NPLOC4: variants seen among roughly 807,000 people sequenced by gnomAD.
The protein encoded by NPLOC4 is NPL4 homolog, ubiquitin recognition factor, also known as nuclear protein localization protein 4 homolog.
Under a neutral mutation model 80.6 loss-of-function variants are expected in NPLOC4, and 18 were observed. That is an observed-to-expected ratio of 0.22 (90% CI 0.15 to 0.33). The LOEUF (loss-of-function observed/expected upper bound fraction) is 0.33. Ranked by LOEUF, NPLOC4 falls within the 10% of genes least tolerant of loss-of-function variation. The pLI is 1.00. For missense variants in NPLOC4, 540 were observed against 786.1 expected, an observed-to-expected ratio of 0.69 and a Z score of 3.74; for synonymous variants, 313 against 301.5, an observed-to-expected ratio of 1.04 and a Z score of -0.39.
At chr17:81,635,018 C>T (rs1326433682) in intron 1 of NPLOC4, among the ~76,000 whole-genome samples, 3 of 151,964 alleles carry the variant, frequency 2.0e-5, no homozygotes, top group Non-Finnish European at 1.5e-5. Flanking sequence ...TAGTAGAGAC[C>T]TCATCTCTAT....
chr17:81,634,175 T>C (rs2036008288), intron 1 of NPLOC4, among the ~76,000 whole-genome samples: 1 of 151,916 alleles, frequency 6.6e-6, no homozygotes. Flanking sequence ...CCCTAATTTT[T>C]GTATTTTTAG....
intron 3 of NPLOC4, among the ~76,000 whole-genome samples, chr17:81,620,391 G>A (rs1414299570): frequency 4.6e-5 from 7 of 152,180 alleles, no homozygotes; most frequent in Non-Finnish European, 1.0e-4. Context: ...AGCTACTCAG[G>A]AGGCTGAGGC....
intron 5 of NPLOC4, among the ~76,000 whole-genome samples, chr17:81,609,883 A>G (rs2035298257): frequency 6.6e-6 from 1 of 152,232 alleles, no homozygotes; most frequent in Non-Finnish European, 1.5e-5. Flanking sequence ...TAAATCAACA[A>G]TGATAAGCAC....
intron 13 of NPLOC4, 22 bp downstream of exon 13, chr17:81,571,995 G>C: frequency 1.0e-5 from 16 of 1,576,484 alleles, no homozygotes; most frequent in Non-Finnish European, 1.4e-5. Context: ...ACCTGCCCAA[G>C]CTGTGCATGG....
At chr17:81,586,699 C>A (rs1165584553) in intron 12 of NPLOC4, among the ~76,000 whole-genome samples, 2 of 151,858 alleles carry the variant, frequency 1.3e-5, no homozygotes, top group African/African-American at 4.8e-5. Flanking sequence ...AAACAAGAAA[C>A]TTCTGGACAG....
chr17:81,588,681 T>C (rs1377674261), intron 12 of NPLOC4, among the ~76,000 whole-genome samples: 1 of 152,220 alleles, frequency 6.6e-6, no homozygotes, highest in African/African-American at 2.4e-5. Flanking sequence ...TGAGACTGTC[T>C]GTGTTGCAAT....
At chr17:81,574,488 T>C (rs1334834053) in intron 12 of NPLOC4, among the ~76,000 whole-genome samples, 3 of 152,318 alleles carry the variant, frequency 2.0e-5, no homozygotes, top group East Asian at 1.9e-4. Flanking sequence ...TTACTTTTTA[T>C]GGGCCTTAGA....
At chr17:81,562,915 G>A (rs1287700582) in intron 16 of NPLOC4, 1 of 151,328 alleles carries the variant, frequency 6.6e-6, no homozygotes. Context: ...TTCAGCCTGG[G>A]TGACAGAGTG....
intron 14 of NPLOC4, among the ~76,000 whole-genome samples, chr17:81,568,248 C>T (rs2034067141): frequency 6.6e-6 from 1 of 152,142 alleles, no homozygotes; most frequent in African/African-American, 2.4e-5. Flanking sequence ...CCATCTAGGG[C>T]AGCAAGAGGG....
rs1332016622 is a variant in NPLOC4 at position 81,558,167 on chromosome 17, C to G, written c.*1092G>C. On this transcript the variant is annotated 3_prime_UTR_variant, in exon 17 of 17. Coordinates refer to ENST00000331134, the MANE Select transcript of NPLOC4 (RefSeq NM_017921.4). ...CCCACCACGTGCTGTTCCAGATCGC[C>G]CAGTCTCCCTCTATTGGTACACTAT... The G allele has an allele frequency of 6.6e-6, 1 of 152,440 alleles. No individual in the cohort carries two copies. The highest frequency in any genetic ancestry group is 1.5e-5 in the Non-Finnish European group (1 of 68,200). 9.4% of individuals were successfully genotyped at this position (152,440 alleles called of 1,614,324 possible).
chr17:81,561,837 G>A (rs988903819), intron 16 of NPLOC4: 2 of 152,118 alleles, frequency 1.3e-5, no homozygotes, highest in Admixed American at 1.3e-4. Context: ...GGGCTACAGT[G>A]TCCTCCAGCT....
In NPLOC4 at chr17:81,572,123, G is replaced by A; in HGVS notation, c.1282-35C>T. On this transcript the variant is annotated intron_variant, in intron 12 of 16. Coordinates refer to ENST00000331134, the MANE Select transcript of NPLOC4 (RefSeq NM_017921.4). This position sits in a 1 kb window ranked among gnomAD's most constrained non-coding sequence, Gnocchi z 4.5. ...TCAGAGGGGAACAGCGGTGAGCAAAGACGATCAGTAGTAATGATTTTCCTT... is the reference window on the plus strand; with the variant it reads ...TCAGAGGGGAACAGCGGTGAGCAAAAACGATCAGTAGTAATGATTTTCCTT... The A allele has an allele frequency of 6.9e-7, 1 of 1,446,758 alleles. No homozygotes were observed. The highest frequency in any genetic ancestry group is 9.6e-7 in the Non-Finnish European group (1 of 1,044,262). The allele number at this position is 1,446,758 out of a possible 1,614,324, so 89.6% of individuals were successfully genotyped here.
At chr17:81,626,148 CAAAA>C (rs1159898008) in intron 2 of NPLOC4, among the ~76,000 whole-genome samples, 1 of 88,470 alleles carries the variant, frequency 1.1e-5, no homozygotes, top group Non-Finnish European at 2.3e-5. Context: ...GACTTCATCT[CAAAA>C]AAAAAAAAAA....
At chr17:81,593,073 A>G (rs1046190046) in intron 11 of NPLOC4, among the ~76,000 whole-genome samples, 9 of 152,236 alleles carry the variant, frequency 5.9e-5, no homozygotes, top group African/African-American at 1.7e-4. Context: ...GAACTGTTCC[A>G]TATCCCACAA....
chr17:81,634,819 G>C (rs1598701664), intron 1 of NPLOC4, among the ~76,000 whole-genome samples: 1 of 151,310 alleles, frequency 6.6e-6, no homozygotes, highest in Non-Finnish European at 1.5e-5. Context: ...TCCTGACCTC[G>C]TGATCCGCCC....
chr17:81,615,396 A>C (rs1040049353), intron 3 of NPLOC4, among the ~76,000 whole-genome samples: 2 of 152,124 alleles, frequency 1.3e-5, no homozygotes, highest in African/African-American at 4.8e-5. Context: ...CACCACGTCC[A>C]GCCGAGACGT....
Position 81,557,245 on chromosome 17 carries a change from A to T in NPLOC4, c.*2014T>A, listed in dbSNP as rs2033669800. 1 of 152,406 alleles carries T rather than the reference A, an allele frequency of 6.6e-6. No homozygotes were observed. The highest frequency in any genetic ancestry group is 1.5e-5 in the Non-Finnish European group (1 of 68,050). The allele number at this position is 152,406 out of a possible 1,614,324, so 9.4% of individuals were successfully genotyped here. On this transcript the variant is annotated 3_prime_UTR_variant, in exon 17 of 17. Coordinates refer to ENST00000331134, the MANE Select transcript of NPLOC4 (RefSeq NM_017921.4). ...CTCCCAGGGCCTGAACTCTCACAGC[A>T]GGGCTCACCCCCAAGCCTGTATGCT...
Position 81,567,567 on chromosome 17 carries a change from A to G in NPLOC4, c.1450-34T>C, listed in dbSNP as rs55730623. On this transcript the variant is annotated intron_variant, in intron 14 of 16. Coordinates refer to ENST00000331134, the MANE Select transcript of NPLOC4 (RefSeq NM_017921.4). This position sits in a 1 kb window ranked among gnomAD's most constrained non-coding sequence, Gnocchi z 4.5. ...ATGGGAATAAACATGAATGTTCCAT[A>G]CAGTTCCCCAGTGCCAGACCCCGAA... 164,638 of 1,344,362 alleles carry G rather than the reference A, an allele frequency of 0.12. 11,556 individuals carry two copies. Among genetic ancestry groups the G allele is most frequent in the Admixed American group, 0.27 (15,000 of 54,914 alleles). 83.3% of individuals were successfully genotyped at this position (1,344,362 alleles called of 1,614,324 possible).
At chr17:81,619,177 G>C (rs1238527702) in intron 3 of NPLOC4, among the ~76,000 whole-genome samples, 2 of 148,222 alleles carry the variant, frequency 1.3e-5, no homozygotes, top group Non-Finnish European at 3.0e-5. Flanking sequence ...CCCCCTCTGC[G>C]AGAAACACCC....
Sources: allele counts gnomAD v4.1 joint callset (sites outside exome capture counted in the v4.1 genomes callset), GRCh38; gene constraint gnomAD v4.1.1; non-coding constraint Gnocchi (gnomAD v3.1); transcripts MANE v1.5; gene names NCBI Gene and HGNC (gene_info 2026-07-23, HGNC 2026-07-21).